WWP2: variants seen among roughly 807,000 people sequenced by gnomAD.
The protein encoded by WWP2 is NEDD4-like E3 ubiquitin-protein ligase WWP2.
WWP2 carries 57 observed loss-of-function variants against 121.0 expected under a neutral mutation model. The observed-to-expected ratio is 0.47, with a 90% CI of 0.38 to 0.59. The LOEUF (loss-of-function observed/expected upper bound fraction) is 0.59. WWP2 is among the 20% of genes least tolerant of loss of function. The pLI is 0.00. For synonymous variants in WWP2, 449 were observed against 441.3 expected (o/e 1.02, Z -0.22); for missense variants, 962 against 1,158.9 (o/e 0.83, Z 2.47).
chr16:69,845,665 C>T (rs189568292), intron 6 of WWP2, among the ~76,000 whole-genome samples: 312 of 152,108 alleles, frequency 2.1e-3, no homozygotes, highest in South Asian at 6.0e-3. Flanking sequence ...GGGGTTCATT[C>T]GTCCAAGCTC....
Position 69,799,399 on chromosome 16 carries a change from T to C in WWP2, c.340+104T>C. On this transcript the variant is annotated intron_variant, in intron 4 of 23. Coordinates refer to ENST00000359154, the MANE Select transcript of WWP2 (RefSeq NM_001270454.2). The surrounding 1 kb of genome is among the most constrained non-coding windows in gnomAD (Gnocchi z 4.5). Reference sequence around the variant, plus strand: ...TTTCCCCCAGGACTAGGGGCTGCAGTACCTCTGTTCTCCTTGGATGCTGTC... The same window carrying C: ...TTTCCCCCAGGACTAGGGGCTGCAGCACCTCTGTTCTCCTTGGATGCTGTC... 7.0e-7 allele frequency: 1 copy of C among 1,435,176 alleles called. No homozygotes were observed. The highest frequency in any genetic ancestry group is 2.4e-5 in the East Asian group (1 of 41,348). 88.9% of individuals were successfully genotyped at this position (1,435,176 alleles called of 1,614,324 possible). A position where few individuals can be genotyped will look rare whatever the true frequency, so the allele number is the denominator to read the frequency against.
rs745424513 is a variant in WWP2 at position 69,935,817 on chromosome 16, A to G, written c.1843-36A>G. 2.5e-6 allele frequency: 4 copies of G among 1,586,888 alleles called. No individual in the cohort carries two copies. Among genetic ancestry groups the G allele is most frequent in the Non-Finnish European group, 3.4e-6 (4 of 1,168,286 alleles). ...AGCTGGTCTTGGCAGTGCCCAGGGA[A>G]GGCCAAACCTCTGTGCTGTGCCTCT... On this transcript the variant is annotated intron_variant, in intron 17 of 23. Transcript: ENST00000359154. This position sits in a 1 kb window ranked among gnomAD's most constrained non-coding sequence, Gnocchi z 5.2.
chr16:69,894,604 A>T (rs1466697924), intron 8 of WWP2, among the ~76,000 whole-genome samples: 1 of 152,204 alleles, frequency 6.6e-6, no homozygotes, highest in Non-Finnish European at 1.5e-5. Context: ...TGAAGTTTTC[A>T]GGTTGCAAAT....
chr16:69,785,592 GAC>G (rs1433022028), intron 1 of WWP2, among the ~76,000 whole-genome samples: 1 of 151,114 alleles, frequency 6.6e-6, no homozygotes, highest in African/African-American at 2.4e-5. Flanking sequence ...AAGACGGAAT[GAC>G]AGGGACACCT....
At chr16:69,765,201 A>T (rs1329310281) in intron 1 of WWP2, among the ~76,000 whole-genome samples, 4 of 151,516 alleles carry the variant, frequency 2.6e-5, no homozygotes, top group Non-Finnish European at 5.9e-5. Flanking sequence ...ACCCTGTCTC[A>T]AAAAAAAGAA....
intron 4 of WWP2, chr16:69,828,119 A>G (rs184260221): frequency 2.0e-5 from 7 of 353,920 alleles, no homozygotes; most frequent in Admixed American, 4.0e-5. Flanking sequence ...GGCCTTGCCT[A>G]TAGAGCACTG....
chr16:69,807,606 A>T (rs2056305758), intron 4 of WWP2, among the ~76,000 whole-genome samples: 1 of 130,164 alleles, frequency 7.7e-6, no homozygotes, highest in Non-Finnish European at 1.6e-5. Context: ...GTGACAGAGC[A>T]AGACCCTTTC....
chr16:69,801,794 G>T (rs1304238803), intron 4 of WWP2, among the ~76,000 whole-genome samples: 2 of 151,798 alleles, frequency 1.3e-5, no homozygotes, highest in Non-Finnish European at 2.9e-5. Context: ...TCCTTGTTCT[G>T]ATCTTTTTTT....
At chr16:69,864,785 G>A (rs955157770) in intron 6 of WWP2, among the ~76,000 whole-genome samples, 3 of 150,982 alleles carry the variant, frequency 2.0e-5, no homozygotes, top group Admixed American at 1.3e-4. Flanking sequence ...GCAATGGCTC[G>A]ATTTTTAATA....
Position 69,888,151 on chromosome 16 carries a change from C to T in WWP2, c.816C>T (p.Leu272=). 6.2e-7 allele frequency: 1 copy of T among 1,614,232 alleles called. No individual in the cohort carries two copies. Among genetic ancestry groups the T allele is most frequent in the Non-Finnish European group, 8.5e-7 (1 of 1,180,040 alleles). ...CCCCGAATCCCAACACGACTTCTCT[C>T]CCTGCCCCAGCCACACCGGCTGAAG... is the stretch of plus-strand genomic sequence containing the variant. ...SVTPNPNTTS[L]PAPATPAEGE... The change falls in exon 8 of 24, where the codon CTC becomes CTT. Residue 272 remains leucine (L), a synonymous_variant. Coordinates refer to ENST00000359154, the MANE Select transcript of WWP2 (RefSeq NM_001270454.2).
chr16:69,826,601 C>T (rs367921536), intron 4 of WWP2, among the ~76,000 whole-genome samples: 5 of 145,858 alleles, frequency 3.4e-5, no homozygotes, highest in African/African-American at 1.0e-4. Context: ...AAAGTGGAGC[C>T]GGGCACGGTG....
intron 7 of WWP2, among the ~76,000 whole-genome samples, chr16:69,880,466 A>G (rs557472816): frequency 6.6e-6 from 1 of 152,292 alleles, no homozygotes; most frequent in South Asian, 2.1e-4. Context: ...AACAAATTTC[A>G]GACTTTGAAT....
chr16:69,879,518 T>C (rs1234481592), intron 7 of WWP2, among the ~76,000 whole-genome samples: 1 of 152,260 alleles, frequency 6.6e-6, no homozygotes, highest in Non-Finnish European at 1.5e-5. Context: ...TGTGGCATTT[T>C]TGATTCATCC....
chr16:69,910,879 T>C (rs2058369726), intron 9 of WWP2, among the ~76,000 whole-genome samples: 1 of 152,216 alleles, frequency 6.6e-6, no homozygotes, highest in African/African-American at 2.4e-5. Flanking sequence ...GCTGTCTTAT[T>C]TCAGGGTAGT....
intron 4 of WWP2, among the ~76,000 whole-genome samples, chr16:69,802,645 G>T (rs1013871610): frequency 1.3e-5 from 2 of 151,124 alleles, no homozygotes; most frequent in Non-Finnish European, 2.9e-5. Flanking sequence ...CTGTCGCTCA[G>T]GCTGGAGTGC....
chr16:69,857,283 A>G (rs1046725010), intron 6 of WWP2, among the ~76,000 whole-genome samples: 13 of 151,908 alleles, frequency 8.6e-5, no homozygotes, highest in Non-Finnish European at 1.6e-4. Flanking sequence ...TTTAGTAGAG[A>G]TGGGGTTTCA....
At chr16:69,901,016 G>A (rs2058195649) in intron 8 of WWP2, among the ~76,000 whole-genome samples, 1 of 152,076 alleles carries the variant, frequency 6.6e-6, no homozygotes, top group African/African-American at 2.4e-5. Context: ...AGGGTCCTTC[G>A]GGGAAGGACT....
chr16:69,797,231 A>G (rs1341515679), intron 2 of WWP2, among the ~76,000 whole-genome samples: 1 of 152,238 alleles, frequency 6.6e-6, no homozygotes, highest in Admixed American at 6.5e-5. Flanking sequence ...TTGTTGCCAC[A>G]TGAAGGCTAT....
chr16:69,866,364 C>A (rs894322800), intron 6 of WWP2, among the ~76,000 whole-genome samples: 6 of 151,922 alleles, frequency 3.9e-5, no homozygotes, highest in South Asian at 2.1e-4. Context: ...CTCAATTGAT[C>A]CTCCTGCCTC....
Sources: allele counts gnomAD v4.1 joint callset (sites outside exome capture counted in the v4.1 genomes callset), GRCh38; gene constraint gnomAD v4.1.1; non-coding constraint Gnocchi (gnomAD v3.1); transcripts MANE v1.5; gene names NCBI Gene and HGNC (gene_info 2026-07-23, HGNC 2026-07-21).